SOS1: variants seen among roughly 807,000 people sequenced by gnomAD.
SOS1 encodes SOS Ras/Rac guanine nucleotide exchange factor 1.
Under a neutral mutation model 157.6 loss-of-function variants are expected in SOS1, and 25 were observed. That is an observed-to-expected ratio of 0.16 (90% CI 0.12 to 0.22). The LOEUF (loss-of-function observed/expected upper bound fraction) is 0.22. Ranked by LOEUF, SOS1 falls within the 10% of genes least tolerant of loss-of-function variation. The pLI, the probability that SOS1 is intolerant of heterozygous loss-of-function variation, is 1.00. For missense variants in SOS1, 1,237 were observed against 1,599.1 expected (o/e 0.77, Z 3.86); for synonymous variants, 528 against 534.0 (o/e 0.99, Z 0.16).
intron 8 of SOS1, among the ~76,000 whole-genome samples, chr2:39,026,885 C>T (rs937005808): frequency 6.6e-6 from 1 of 152,010 alleles, no homozygotes. Context: ...GCAAAAAAAT[C>T]TCATAATGTT....
chr2:39,021,645 G>A (rs1218333161), intron 10 of SOS1, among the ~76,000 whole-genome samples: 4 of 151,278 alleles, frequency 2.6e-5, no homozygotes, highest in African/African-American at 9.7e-5. Flanking sequence ...AGGATGAAAT[G>A]ATAAAGTTTA....
intron 1 of SOS1, among the ~76,000 whole-genome samples, chr2:39,118,349 T>C (rs1027749716): frequency 3.9e-5 from 6 of 152,192 alleles, no homozygotes; most frequent in Non-Finnish European, 1.5e-5. Context: ...CCACATGAAA[T>C]GTCCAGCAGG....
In SOS1 at chr2:39,106,523, G is replaced by A. The variant is rs1376404001; in HGVS notation, c.87+13813C>T. Reference sequence around the variant, plus strand: ...GGAGAATGGCGTGAACCCGGGAGGCGGAGCTTGCAGTGAGCCGAGATCCCG... The same window carrying A: ...GGAGAATGGCGTGAACCCGGGAGGCAGAGCTTGCAGTGAGCCGAGATCCCG... On this transcript the variant is annotated intron_variant, in intron 1 of 22. Coordinates refer to ENST00000402219, the MANE Select transcript of SOS1 (RefSeq NM_005633.4). 3.4e-5 allele frequency among the ~76,000 whole-genome samples: 5 copies of A among 147,310 alleles called. No individual in the cohort carries two copies. The South Asian group carries it at 6.4e-4, about 19-fold the overall frequency.
intron 1 of SOS1, among the ~76,000 whole-genome samples, chr2:39,117,744 A>G (rs1056411913): frequency 6.6e-6 from 1 of 152,128 alleles, no homozygotes; most frequent in African/African-American, 2.4e-5. Context: ...GACAAAGGAG[A>G]CTCAATTAGA....
At chr2:39,119,955 G>A (rs193092554) in intron 1 of SOS1, among the ~76,000 whole-genome samples, 3 of 152,272 alleles carry the variant, frequency 2.0e-5, no homozygotes, top group Admixed American at 2.0e-4. Flanking sequence ...CAGCGTACTG[G>A]ACACCTAAAA....
chr2:39,107,544 C>G (rs1478553508), intron 1 of SOS1, among the ~76,000 whole-genome samples: 1 of 151,950 alleles, frequency 6.6e-6, no homozygotes, highest in Non-Finnish European at 1.5e-5. Flanking sequence ...CTTTTCCCCC[C>G]TCACAAGCAT....
At position 39,010,594 on chromosome 2, in the gene SOS1, A is replaced by G; in HGVS notation, c.2500T>C (p.Trp834Arg). Residue 834 changes from tryptophan to arginine, a missense_variant, in exon 15 of 23, where the codon TGG (tryptophan) becomes CGG (arginine). Around this residue, in one of 15 missense-constraint regions of SOS1, gnomAD observed 105 missense variants for 236.0 expected, o/e 0.44. Coordinates refer to ENST00000402219, the MANE Select transcript of SOS1 (RefSeq NM_005633.4). Reference protein sequence around the residue: ...MIRHTTNLTLWFEKCIVETEN... With the variant: ...MIRHTTNLTLRFEKCIVETEN... The stretch of plus-strand genomic sequence containing the variant: ...GCTAGGAATACTTACTTCTCAAACC[A>G]CAGAGTGAGGTTGGTGGTATGTCGA... 1 of 1,609,032 alleles carries G rather than the reference A, an allele frequency of 6.2e-7. No homozygotes were observed. Among genetic ancestry groups the G allele is most frequent in the Non-Finnish European group, 8.5e-7 (1 of 1,175,464 alleles).
chr2:38,987,750 C>A, intron 21 of SOS1, 159 bp from the exon 22 acceptor site: 1 of 603,774 alleles, frequency 1.7e-6, no homozygotes, highest in Non-Finnish European at 3.0e-6. Context: ...TTCATTAAAG[C>A]AAACTGCCAT....
chr2:39,030,373 G>C lies in SOS1; in HGVS notation c.1074+4839C>G, dbSNP rs78939705. 4.2e-3 allele frequency among the ~76,000 whole-genome samples: 635 copies of C among 152,000 alleles called. 5 individuals carry two copies. Among genetic ancestry groups the C allele is most frequent in the African/African-American group, 0.015 (611 of 41,462 alleles). On this transcript the variant is annotated intron_variant, in intron 8 of 22. Coordinates refer to ENST00000402219, the MANE Select transcript of SOS1 (RefSeq NM_005633.4). Reference sequence around the variant, plus strand: ...GAGCCCAGGAGTTTGAGATCAGCCTGGGCAACAAAATGGGACCTTGTCTCT... The same window carrying C: ...GAGCCCAGGAGTTTGAGATCAGCCTCGGCAACAAAATGGGACCTTGTCTCT...
At chr2:39,096,607 C>A (rs982351696) in intron 1 of SOS1, among the ~76,000 whole-genome samples, 12 of 151,988 alleles carry the variant, frequency 7.9e-5, no homozygotes, top group African/African-American at 2.4e-4. Context: ...CTTGGCTGGC[C>A]GGGCACGGTG....
intron 1 of SOS1, among the ~76,000 whole-genome samples, chr2:39,113,357 CTTT>C (rs573347245): frequency 2.2e-5 from 3 of 137,342 alleles, no homozygotes; most frequent in Non-Finnish European, 3.2e-5. Flanking sequence ...TACCTGTCTT[CTTT>C]TTTTTTTTTT....
intron 10 of SOS1, among the ~76,000 whole-genome samples, chr2:39,018,151 CAT>C (rs1669685236): frequency 6.6e-6 from 1 of 151,812 alleles, no homozygotes; most frequent in African/African-American, 2.4e-5. Context: ...GGCTTTATAA[CAT>C]AAGCAAAAAC....
rs891506292 is a variant in SOS1 at position 39,023,945 on chromosome 2, G to A, written c.1202+65C>T. On this transcript the variant is annotated intron_variant, in intron 9 of 22. Transcript: ENST00000402219. ...ATTGTTTACTTGAGGAGGGAACTGG[G>A]ATCCCTGAATTTACACCACAATATT... is the stretch of plus-strand genomic sequence containing the variant. The A allele has an allele frequency of 1.2e-5, 14 of 1,141,764 alleles. No individual in the cohort carries two copies. The South Asian group carries it at 1.6e-4, about 13-fold the overall frequency. 70.7% of individuals were successfully genotyped at this position (1,141,764 alleles called of 1,614,324 possible).
chr2:39,060,934 GAA>G (rs5830556), intron 2 of SOS1, among the ~76,000 whole-genome samples: 1 of 140,284 alleles, frequency 7.1e-6, no homozygotes, highest in African/African-American at 2.6e-5. Context: ...ACATGTCTTT[GAA>G]AAAAAAAAAA....
intron 4 of SOS1, among the ~76,000 whole-genome samples, 188 bp downstream of exon 4, chr2:39,056,514 A>G (rs1671218271): frequency 2.0e-5 from 3 of 152,232 alleles, no homozygotes; most frequent in Non-Finnish European, 4.4e-5. Context: ...TGACATATTT[A>G]AACACATTTT....
rs552515902 is a variant in SOS1, at chr2:39,057,211, A to G, written c.346-345T>C. 2.5e-4 allele frequency among the ~76,000 whole-genome samples: 38 copies of G among 152,266 alleles called. 4 individuals carry two copies. In the South Asian group the frequency reaches 6.4e-3, roughly 26 times the overall value. On this transcript the variant is annotated intron_variant, in intron 3 of 22. Coordinates refer to ENST00000402219, the MANE Select transcript of SOS1 (RefSeq NM_005633.4). ...CAGAATACCTGGAAGTAACTATAAC[A>G]AACAAGTTTTTTCTTTTACAAAAAA...
At chr2:39,112,326 A>G (rs1673471464) in intron 1 of SOS1, among the ~76,000 whole-genome samples, 1 of 151,812 alleles carries the variant, frequency 6.6e-6, no homozygotes, top group Non-Finnish European at 1.5e-5. Context: ...CTGCTGAGCA[A>G]TTCCTCTCTC....
intron 1 of SOS1, among the ~76,000 whole-genome samples, chr2:39,105,576 A>G (rs1350079141): frequency 6.6e-6 from 1 of 152,170 alleles, no homozygotes; most frequent in East Asian, 1.9e-4. Context: ...TTGCCATACA[A>G]ATAGTGCTCA....
intron 1 of SOS1, 27 bp downstream of exon 1, chr2:39,120,309 G>C (rs1265212244): frequency 1.3e-6 from 2 of 1,553,278 alleles, no homozygotes; most frequent in South Asian, 1.2e-5. Flanking sequence ...GCTGCGGCCG[G>C]GAAGCGGGGT....
Sources: allele counts gnomAD v4.1 joint callset (sites outside exome capture counted in the v4.1 genomes callset), GRCh38; gene constraint gnomAD v4.1.1; regional missense constraint gnomAD v4.1.1; transcripts MANE v1.5; gene names NCBI Gene and HGNC (gene_info 2026-07-23, HGNC 2026-07-21).